Variants in SGK3 observed in about 807,000 individuals in gnomAD.
SGK3 encodes the protein serum/glucocorticoid regulated kinase family member 3.
A neutral mutation model predicts 68.5 loss-of-function variants in SGK3; 47 were observed. The ratio of observed to expected loss-of-function variants is 0.69; its 90% confidence interval spans 0.54 to 0.87. The LOEUF (loss-of-function observed/expected upper bound fraction) is 0.87. Ranked by LOEUF, SGK3 falls within the 40% of genes least tolerant of loss-of-function variation. The pLI is 0.00. For synonymous variants in SGK3, 181 were observed against 189.1 expected (o/e 0.96, Z 0.35); for missense variants, 479 against 575.5 (o/e 0.83, Z 1.72).
chr8:66,736,195 A>T (rs1295641630), intron 1 of SGK3, among the ~76,000 whole-genome samples: 3 of 152,222 alleles, frequency 2.0e-5, no homozygotes, highest in Non-Finnish European at 4.4e-5. Context: ...CAGGATTGTT[A>T]TTAAGCTTAG....
intron 1 of SGK3, among the ~76,000 whole-genome samples, chr8:66,738,352 C>A (rs1409814319): frequency 6.6e-6 from 1 of 152,152 alleles, no homozygotes. Context: ...CCCCCATTCT[C>A]CATATTGCTT....
At chr8:66,751,674 A>G (rs1805821442) in intron 1 of SGK3, among the ~76,000 whole-genome samples, 2 of 152,240 alleles carry the variant, frequency 1.3e-5, no homozygotes, top group Admixed American at 1.3e-4. Context: ...TTGTAATACT[A>G]TCTTGCTTCA....
At position 66,841,957 on chromosome 8, in the gene SGK3, T is replaced by C. The variant is rs537389422; in HGVS notation, c.978+847T>C. Among the ~76,000 whole-genome samples the C allele has an allele frequency of 2.6e-5, 4 of 152,306 alleles. No homozygotes were observed. In the East Asian group the frequency reaches 7.7e-4, roughly 29 times the overall value. Reference sequence around the variant, plus strand: ...ATTTTAGGTACCACATAATATTTCATCTTTATCGTGGAGTACTTGCAAATA... The same window carrying C: ...ATTTTAGGTACCACATAATATTTCACCTTTATCGTGGAGTACTTGCAAATA... On this transcript the variant is annotated intron_variant, in intron 13 of 16. Transcript: ENST00000521198.
intron 4 of SGK3, among the ~76,000 whole-genome samples, chr8:66,805,616 A>G (rs1252114871): frequency 6.6e-6 from 1 of 152,124 alleles, no homozygotes. Flanking sequence ...CTCTATGACT[A>G]AAGCTGCAGG....
At chr8:66,763,949 G>A (rs773977378) in intron 1 of SGK3, among the ~76,000 whole-genome samples, 12 of 152,070 alleles carry the variant, frequency 7.9e-5, no homozygotes, top group Non-Finnish European at 1.6e-4. Flanking sequence ...AGCTCACTGC[G>A]GCCTCAACCA....
At chr8:66,718,489 G>C (rs1191411543) in intron 1 of SGK3, among the ~76,000 whole-genome samples, 1 of 151,126 alleles carries the variant, frequency 6.6e-6, no homozygotes, top group Non-Finnish European at 1.5e-5. Context: ...CCAGTATATA[G>C]TCTATAGAAT....
chr8:66,787,873 C>G (rs1421460526), intron 1 of SGK3, among the ~76,000 whole-genome samples: 2 of 152,200 alleles, frequency 1.3e-5, no homozygotes, highest in Non-Finnish European at 1.5e-5. Context: ...CATCCATTAG[C>G]CACTGCCCAA....
At chr8:66,822,553 C>A in intron 6 of SGK3, 94 bp downstream of exon 6, 1 of 1,194,180 alleles carries the variant, frequency 8.4e-7, no homozygotes, top group East Asian at 2.4e-5. Context: ...GAAGTAATTT[C>A]ATCCATAGTA....
intron 8 of SGK3, among the ~76,000 whole-genome samples, chr8:66,833,601 C>A (rs1357846810): frequency 3.3e-5 from 5 of 152,220 alleles, no homozygotes; most frequent in African/African-American, 9.7e-5. Flanking sequence ...ATCATCTTTA[C>A]AATATTGTGT....
At chr8:66,819,155 G>A (rs1031887986) in intron 5 of SGK3, among the ~76,000 whole-genome samples, 1 of 152,132 alleles carries the variant, frequency 6.6e-6, no homozygotes, top group African/African-American at 2.4e-5. Context: ...AAGCAATACT[G>A]AGTACTTCCT....
rs1234630422 is a variant in SGK3, at chr8:66,779,590, ATATATATAT to A, written c.-121-14025_-121-14017del. Among the ~76,000 whole-genome samples the A allele has an allele frequency of 2.1e-3, 286 of 136,862 alleles. 1 individual carries two copies. The highest frequency in any genetic ancestry group is 7.4e-3 in the African/African-American group (275 of 37,268). The allele number at this position is 136,862 out of a possible 152,430, so 89.8% of individuals were successfully genotyped here. On this transcript the variant is annotated intron_variant, in intron 1 of 16. Transcript: ENST00000521198. ...TATATATATATATATATATATATAT[ATATATATAT>A]ATAAAACACATTTTTTATATATATA... is the stretch of plus-strand genomic sequence containing the variant.
Position 66,813,939 on chromosome 8 carries a change from T to C in SGK3, c.329+11T>C, listed in dbSNP as rs368492529. ...AGAACTTTATAACCAGTAAGTAATT[T>C]TTGTTGCGTTCTAAAGGGACATTAA... is the stretch of plus-strand genomic sequence containing the variant. On this transcript the variant is annotated intron_variant, in intron 5 of 16. Coordinates refer to ENST00000521198, the MANE Select transcript of SGK3 (RefSeq NM_001033578.3). The C allele has an allele frequency of 6.3e-7, 1 of 1,577,212 alleles. No individual in the cohort carries two copies. Among genetic ancestry groups the C allele is most frequent in the Non-Finnish European group, 8.6e-7 (1 of 1,163,136 alleles).
chr8:66,732,623 T>A (rs1472744353), intron 1 of SGK3, among the ~76,000 whole-genome samples: 1 of 152,212 alleles, frequency 6.6e-6, no homozygotes, highest in Non-Finnish European at 1.5e-5. Context: ...GGTGGGTGGA[T>A]CACCTGAGGT....
intron 15 of SGK3, among the ~76,000 whole-genome samples, chr8:66,850,324 A>G (rs1810222981): frequency 1.3e-5 from 2 of 152,206 alleles, no homozygotes; most frequent in South Asian, 2.1e-4. Flanking sequence ...GCTAGAGTCA[A>G]TACTGTGCCA....
At chr8:66,857,821 G>GTT (rs1810585014) in intron 16 of SGK3, among the ~76,000 whole-genome samples, 1 of 151,056 alleles carries the variant, frequency 6.6e-6, no homozygotes, top group Non-Finnish European at 1.5e-5. Context: ...GTGTGTGTGT[G>GTT]TGTGTGTGTG....
chr8:66,723,089 TCATATATATATATATATA>T lies in SGK3; in HGVS notation c.-122+10257_-122+10274del, dbSNP rs1265579485. Among the ~76,000 whole-genome samples, 349 of 57,472 alleles carry T rather than the reference TCATATATATATATATATA, an allele frequency of 6.1e-3. 17 individuals carry two copies. The highest frequency in any genetic ancestry group is 0.02 in the African/African-American group (328 of 16,002). The allele number at this position is 57,472 out of a possible 152,430, so 37.7% of individuals were successfully genotyped here. A position where few individuals can be genotyped will look rare whatever the true frequency, so the allele number is the denominator to read the frequency against. Reference sequence around the variant, plus strand: ...TAAACATTCAGAAGTAAGATTTTGTTCATATATATATATATATATATATATATATATATATATATATAT... The same window carrying T: ...TAAACATTCAGAAGTAAGATTTTGTTTATATATATATATATATATATATAT... On this transcript the variant is annotated intron_variant, in intron 1 of 16. Transcript: ENST00000521198.
At chr8:66,794,683 A>G (rs1030700390) in intron 2 of SGK3, among the ~76,000 whole-genome samples, 3 of 152,084 alleles carry the variant, frequency 2.0e-5, no homozygotes, top group Admixed American at 6.5e-5. Context: ...TTGAACACGC[A>G]TCCTCCTCAG....
chr8:66,812,781 A>G (rs1057034161), intron 4 of SGK3, among the ~76,000 whole-genome samples: 16 of 152,184 alleles, frequency 1.1e-4, no homozygotes, highest in Non-Finnish European at 2.2e-4. Flanking sequence ...TTTTACAAGT[A>G]AAAATATGAG....
At chr8:66,716,254 A>G (rs1169556905) in intron 1 of SGK3, among the ~76,000 whole-genome samples, 1 of 152,200 alleles carries the variant, frequency 6.6e-6, no homozygotes, top group African/African-American at 2.4e-5. Context: ...CTACTTCCGC[A>G]TCTTGTAGTT....
Sources: allele counts gnomAD v4.1 joint callset (sites outside exome capture counted in the v4.1 genomes callset), GRCh38; gene constraint gnomAD v4.1.1; transcripts MANE v1.5; gene names NCBI Gene and HGNC (gene_info 2026-07-23, HGNC 2026-07-21).